COL8A1: variants seen among roughly 807,000 people sequenced by gnomAD.
COL8A1 encodes collagen alpha-1(VIII) chain.
A neutral mutation model predicts 42.7 loss-of-function variants in COL8A1; 21 were observed. That is an observed-to-expected ratio of 0.49 (90% CI 0.35 to 0.71). The LOEUF (loss-of-function observed/expected upper bound fraction) is 0.71. COL8A1 is among the 30% of genes least tolerant of loss of function. COL8A1 has a pLI of 0.01. For missense variants in COL8A1, 788 were observed against 962.4 expected (o/e 0.82, Z 2.40); for synonymous variants, 367 against 369.1 (o/e 0.99, Z 0.06).
rs752387846 is a variant in COL8A1 at position 99,794,880 on chromosome 3, C to G, written c.979C>G (p.Pro327Ala). 8.7e-6 allele frequency: 14 copies of G among 1,607,082 alleles called. No individual in the cohort carries two copies. The highest frequency in any genetic ancestry group is 1.2e-5 in the Non-Finnish European group (14 of 1,177,104). The change falls in exon 4 of 4, where the codon CCA becomes GCA. Residue 327 changes from proline (P) to alanine (A), a missense_variant. Physicochemically the swap from Pro to Ala is conservative, Grantham distance 27 (BLOSUM62 -1). Coordinates refer to ENST00000652472, the MANE Select transcript of COL8A1 (RefSeq NM_020351.4). This position sits in a 1 kb window ranked among gnomAD's most constrained non-coding sequence, Gnocchi z 4.3. The part of the protein sequence containing the change: ...KPGQDGIPGQ[P>A]GFPGGKGEQG... ...AGGCCAGGATGGGATCCCAGGCCAG[C>G]CAGGATTTCCAGGTGGCAAAGGGGA...
At chr3:99,768,019 A>G (rs1242619136) in intron 2 of COL8A1, among the ~76,000 whole-genome samples, 2 of 152,206 alleles carry the variant, frequency 1.3e-5, no homozygotes, top group African/African-American at 4.8e-5. Context: ...GTAACATTTG[A>G]TTGAGATCGG....
intron 1 of COL8A1, among the ~76,000 whole-genome samples, chr3:99,720,014 A>G (rs1046049518): frequency 6.6e-6 from 1 of 152,104 alleles, no homozygotes; most frequent in African/African-American, 2.4e-5. Flanking sequence ...ACATTACTAG[A>G]ATTATAGTCA....
At chr3:99,780,919 G>T (rs1052632705) in intron 2 of COL8A1, among the ~76,000 whole-genome samples, 3 of 152,258 alleles carry the variant, frequency 2.0e-5, no homozygotes, top group South Asian at 2.1e-4. Context: ...GCTGTGGTTT[G>T]GTTGCTCTCC....
chr3:99,760,868 G>T (rs1465297356), intron 2 of COL8A1, among the ~76,000 whole-genome samples: 1 of 152,196 alleles, frequency 6.6e-6, no homozygotes, highest in Non-Finnish European at 1.5e-5. Flanking sequence ...TTGGCTGCTT[G>T]CAAAGTCCAG....
intron 1 of COL8A1, among the ~76,000 whole-genome samples, chr3:99,671,663 A>G (rs1228678312): frequency 6.6e-6 from 1 of 152,046 alleles, no homozygotes; most frequent in Non-Finnish European, 1.5e-5. Context: ...TTTATACTCC[A>G]TGTAACAAGT....
At chr3:99,753,762 GTACT>G (rs1304861624) in intron 2 of COL8A1, among the ~76,000 whole-genome samples, 2 of 152,052 alleles carry the variant, frequency 1.3e-5, no homozygotes, top group African/African-American at 4.8e-5. Context: ...TACATATATA[GTACT>G]TACTATGTGC....
chr3:99,667,258 T>G (rs1206737204), intron 1 of COL8A1, among the ~76,000 whole-genome samples: 3 of 152,208 alleles, frequency 2.0e-5, no homozygotes, highest in Non-Finnish European at 2.9e-5. Flanking sequence ...TTTATTTTCT[T>G]GTAAGAGGCA....
At chr3:99,665,179 C>CATTAAAA in intron 1 of COL8A1, among the ~76,000 whole-genome samples, 1 of 152,210 alleles carries the variant, frequency 6.6e-6, no homozygotes, top group African/African-American at 2.4e-5. Context: ...CATGTATTCT[C>CATTAAAA]AACTCTCACA....
Position 99,794,722 on chromosome 3 carries a change from C to G in COL8A1, c.821C>G (p.Pro274Arg). ...GTTGGACTGCCAGGAGTGGGCAAAC[C>G]AGGAGTGACAGGCTTCCCTGGGCCC... ...GPVGLPGVGK[P>R]GVTGFPGPQG... is the part of the protein sequence containing the mutation. Residue 274 changes from proline (P) to arginine (R), a missense_variant, in exon 4 of 4, where the codon CCA (proline) becomes CGA (arginine). By Grantham distance (103) the Pro-to-Arg change is moderately radical. This residue lies in a region of COL8A1 where 421 missense variants were observed against 553.1 expected (regional missense o/e 0.76). Coordinates refer to ENST00000652472, the MANE Select transcript of COL8A1 (RefSeq NM_020351.4). This position sits in a 1 kb window ranked among gnomAD's most constrained non-coding sequence, Gnocchi z 4.3. 6.2e-7 allele frequency: 1 copy of G among 1,607,096 alleles called. No homozygotes were observed. The highest frequency in any genetic ancestry group is 8.5e-7 in the Non-Finnish European group (1 of 1,177,522).
intron 1 of COL8A1, among the ~76,000 whole-genome samples, chr3:99,737,460 G>C (rs1482899635): frequency 6.6e-6 from 1 of 152,140 alleles, no homozygotes; most frequent in Non-Finnish European, 1.5e-5. Context: ...TGTCTGTAAA[G>C]TATTTTATTT....
At chr3:99,761,537 T>C (rs1410177605) in intron 2 of COL8A1, among the ~76,000 whole-genome samples, 1 of 152,218 alleles carries the variant, frequency 6.6e-6, no homozygotes. Flanking sequence ...TTGCACATGA[T>C]ACAGGAATAA....
At position 99,696,244 on chromosome 3, in the gene COL8A1, A is replaced by G. The variant is rs16841630; in HGVS notation, c.-128-48653A>G. Among the ~76,000 whole-genome samples the G allele has an allele frequency of 3.5e-3, 534 of 152,356 alleles. 15 individuals are homozygous for G. Among genetic ancestry groups the G allele is most frequent in the East Asian group, 0.022 (115 of 5,184 alleles). On this transcript the variant is annotated intron_variant, in intron 1 of 3. Coordinates refer to ENST00000652472, the MANE Select transcript of COL8A1 (RefSeq NM_020351.4). ...TAAATATTGTTTATCCTGACATCTGATAGACTAAACAGAAAGAGTGAAGAT... is the reference window on the plus strand; with the variant it reads ...TAAATATTGTTTATCCTGACATCTGGTAGACTAAACAGAAAGAGTGAAGAT...
At chr3:99,746,237 A>G (rs539196635) in intron 2 of COL8A1, among the ~76,000 whole-genome samples, 1 of 152,318 alleles carries the variant, frequency 6.6e-6, no homozygotes, top group African/African-American at 2.4e-5. Flanking sequence ...ACCACTAATT[A>G]TTTTGGCTGG....
chr3:99,695,474 A>G (rs1939339638), intron 1 of COL8A1, among the ~76,000 whole-genome samples: 3 of 152,152 alleles, frequency 2.0e-5, no homozygotes, highest in African/African-American at 7.2e-5. Flanking sequence ...ATCATGGGTG[A>G]GATTTGCAGT....
chr3:99,759,125 A>G (rs1941316569), intron 2 of COL8A1, among the ~76,000 whole-genome samples: 1 of 144,762 alleles, frequency 6.9e-6, no homozygotes, highest in African/African-American at 2.5e-5. Context: ...TTTTTTAAGC[A>G]GTTACCTCTA....
chr3:99,757,555 A>G (rs1941278567), intron 2 of COL8A1, among the ~76,000 whole-genome samples: 1 of 152,180 alleles, frequency 6.6e-6, no homozygotes, highest in Non-Finnish European at 1.5e-5. Context: ...AATTCTGTCT[A>G]ATCTTCTAAG....
At chr3:99,711,801 T>A (rs959860852) in intron 1 of COL8A1, among the ~76,000 whole-genome samples, 1 of 152,200 alleles carries the variant, frequency 6.6e-6, no homozygotes, top group Non-Finnish European at 1.5e-5. Flanking sequence ...AGTAGTTGTA[T>A]TCTTTTTAAC....
chr3:99,746,312 A>G (rs746308908), intron 2 of COL8A1, among the ~76,000 whole-genome samples: 9 of 152,228 alleles, frequency 5.9e-5, no homozygotes, highest in Non-Finnish European at 1.2e-4. Context: ...GAATAAAAAA[A>G]TACATGCTCA....
intron 2 of COL8A1, among the ~76,000 whole-genome samples, chr3:99,774,045 A>G (rs966755255): frequency 1.3e-5 from 2 of 149,876 alleles, no homozygotes; most frequent in African/African-American, 4.9e-5. Context: ...GGGGTTTGCC[A>G]TGTTGGCCAG....
Sources: gnomAD v4.1 joint callset for allele counts (sites outside exome capture counted in the v4.1 genomes callset) on GRCh38, gnomAD v4.1.1 for gene constraint, gnomAD v4.1.1 regional missense constraint, Gnocchi (gnomAD v3.1) non-coding constraint, MANE v1.5 for transcripts, NCBI Gene and HGNC (gene_info 2026-07-23, HGNC 2026-07-21) for gene names.